The following MCPH1 variants were observed in gnomAD, a reference collection of about 807,000 sequenced individuals.
MCPH1 encodes the protein microcephalin 1.
Under a neutral mutation model 84.5 loss-of-function variants are expected in MCPH1, and 104 were observed. The ratio of observed to expected loss-of-function variants is 1.23; its 90% CI spans 1.05 to 1.45. MCPH1 has a LOEUF of 1.45. MCPH1 is among the 40% of genes most tolerant of loss of function. The pLI is 0.00. For missense variants in MCPH1, 1,498 were observed against 1,005.7 expected (o/e 1.49, Z -6.62); for synonymous variants, 514 against 366.8 (o/e 1.40, Z -4.58).
chr8:6,430,546 G>A (rs1012341447), intron 3 of MCPH1, among the ~76,000 whole-genome samples: 1 of 152,186 alleles, frequency 6.6e-6, no homozygotes, highest in Admixed American at 6.5e-5. Context: ...ACATATTTCT[G>A]AAACTTCCTT....
intron 12 of MCPH1, among the ~76,000 whole-genome samples, chr8:6,587,444 G>A (rs1358127573): frequency 6.6e-6 from 1 of 152,086 alleles, no homozygotes; most frequent in Non-Finnish European, 1.5e-5. Context: ...TGGTTGGATG[G>A]CTTTTGGCAA....
intron 12 of MCPH1, chr8:6,514,722 C>T: frequency 6.2e-7 from 1 of 1,614,102 alleles, no homozygotes; most frequent in African/African-American, 1.3e-5. Flanking sequence ...CGCTGCCATC[C>T]TCACGTCGCT....
intron 8 of MCPH1, among the ~76,000 whole-genome samples, chr8:6,452,835 C>A (rs1011253513): frequency 6.6e-6 from 1 of 152,204 alleles, no homozygotes; most frequent in Admixed American, 6.5e-5. Context: ...GTTATGGTAG[C>A]CCCAGCCGAA....
chr8:6,568,735 G>C (rs1826421422), intron 12 of MCPH1, among the ~76,000 whole-genome samples: 1 of 152,186 alleles, frequency 6.6e-6, no homozygotes, highest in African/African-American at 2.4e-5. Flanking sequence ...CATCAGGCCT[G>C]GGCAGCCCCT....
intron 2 of MCPH1, among the ~76,000 whole-genome samples, chr8:6,410,186 GGATGGTCTCAATCTCCT>G (rs1798341228): frequency 1.3e-5 from 2 of 151,750 alleles, no homozygotes; most frequent in Non-Finnish European, 2.9e-5. Context: ...ATGTTGGCCA[GGATGGTCTCAATCTCCT>G]GATCTCGTGA....
intron 1 of MCPH1, chr8:6,407,020 TC>T: frequency 4.3e-6 from 1 of 231,772 alleles, no homozygotes; most frequent in Non-Finnish European, 7.7e-6. Context: ...TTCCCCTCAA[TC>T]CCCCGCTGCC....
intron 13 of MCPH1, among the ~76,000 whole-genome samples, chr8:6,640,128 G>A (rs578062423): frequency 6.3e-4 from 96 of 151,720 alleles, no homozygotes; most frequent in African/African-American, 2.3e-3. Flanking sequence ...GTGCGTGTGT[G>A]TGTGTGTTTT....
At chr8:6,515,897 C>T (rs2515426) in intron 12 of MCPH1, among the ~76,000 whole-genome samples, 9,169 of 152,212 alleles carry the variant, frequency 0.06, 300 homozygotes, top group African/African-American at 0.078. Context: ...CAAGAGAGTG[C>T]TATTCCTGTT....
intron 12 of MCPH1, among the ~76,000 whole-genome samples, chr8:6,601,545 A>ACCC (rs59492024): frequency 6.9e-6 from 1 of 144,230 alleles, no homozygotes; most frequent in African/African-American, 2.6e-5. Flanking sequence ...ACACACACAC[A>ACCC]CCCCTACGCA....
chr8:6,488,304 T>C (rs972061050), intron 11 of MCPH1, among the ~76,000 whole-genome samples: 7 of 152,216 alleles, frequency 4.6e-5, no homozygotes, highest in Admixed American at 1.3e-4. Context: ...ATCTGCTGAT[T>C]GAGGACAGAT....
intron 6 of MCPH1, among the ~76,000 whole-genome samples, chr8:6,441,218 G>A (rs940314196): frequency 2.0e-5 from 3 of 152,208 alleles, no homozygotes; most frequent in Non-Finnish European, 4.4e-5. Flanking sequence ...AACTAGCTGT[G>A]TCCCAGGTGG....
intron 1 of MCPH1, 90 bp downstream of exon 1, chr8:6,406,779 G>C: frequency 3.4e-6 from 5 of 1,455,056 alleles, no homozygotes; most frequent in Non-Finnish European, 4.8e-6. Flanking sequence ...CCCGTGGGAG[G>C]AGCCCCGCTC....
At chr8:6,517,943 C>T (rs1816587649) in intron 12 of MCPH1, among the ~76,000 whole-genome samples, 1 of 152,210 alleles carries the variant, frequency 6.6e-6, no homozygotes, top group Non-Finnish European at 1.5e-5. Context: ...TTGTTCCCTG[C>T]TGTGTAAATG....
In MCPH1 at chr8:6,445,202, GCAACTT is replaced by G; in HGVS notation, c.1482_1487del (p.Thr495_Ser496del). The G allele has an allele frequency of 6.2e-7, 1 of 1,614,238 alleles. No homozygotes were observed. Among genetic ancestry groups the G allele is most frequent in the Non-Finnish European group, 8.5e-7 (1 of 1,180,046 alleles). ...GAAAACTGGAAATGGTGAAGGCCGT[GCAACTT>G]CGAGTTGCGTGACTTCTGCCCCTGA... is the stretch of plus-strand genomic sequence containing the variant. On this transcript the variant is annotated inframe_deletion, in exon 8 of 14. Transcript: ENST00000344683.
At chr8:6,592,858 G>A (rs1311647961) in intron 12 of MCPH1, among the ~76,000 whole-genome samples, 1 of 147,300 alleles carries the variant, frequency 6.8e-6, no homozygotes, top group Non-Finnish European at 1.5e-5. Flanking sequence ...GTGAAGACGA[G>A]GTCTTGCCAT....
At chr8:6,428,465 T>A (rs1585696237) in intron 3 of MCPH1, among the ~76,000 whole-genome samples, 1 of 152,242 alleles carries the variant, frequency 6.6e-6, no homozygotes, top group African/African-American at 2.4e-5. Flanking sequence ...TCACCACAAT[T>A]TAAAAACATT....
intron 13 of MCPH1, among the ~76,000 whole-genome samples, chr8:6,623,598 A>T (rs1450502895): frequency 6.8e-6 from 1 of 147,354 alleles, no homozygotes; most frequent in Non-Finnish European, 1.5e-5. Context: ...ACTGATGGTC[A>T]TCCTTTCATA....
intron 13 of MCPH1, chr8:6,622,088 GC>G (rs1563203603): frequency 3.0e-6 from 1 of 337,346 alleles, no homozygotes; most frequent in Non-Finnish European, 6.0e-6. Flanking sequence ...TGGGGCCCAA[GC>G]CCCCGTCCCT....
At chr8:6,409,164 G>C (rs905540144) in intron 1 of MCPH1, 115 bp from the exon 2 acceptor site, 1 of 856,826 alleles carries the variant, frequency 1.2e-6, no homozygotes. Context: ...GGGATTACAG[G>C]CGTGAGCCAC....
Sources: gnomAD v4.1 joint callset for allele counts (sites outside exome capture counted in the v4.1 genomes callset) on GRCh38, gnomAD v4.1.1 for gene constraint, MANE v1.5 for transcripts, NCBI Gene and HGNC (gene_info 2026-07-23, HGNC 2026-07-21) for gene names.